OGFOD3: variants seen among roughly 807,000 people sequenced by gnomAD.
OGFOD3 encodes the protein 2-oxoglutarate and iron-dependent oxygenase domain-containing protein 3.
A neutral mutation model predicts 39.8 loss-of-function variants in OGFOD3; 35 were observed. That is an observed-to-expected ratio of 0.88 (90% CI 0.67 to 1.17). The LOEUF is 1.17. Among genes scored for constraint, OGFOD3 ranks in the 50% most tolerant of loss-of-function variants. The probability of loss-of-function intolerance (pLI) is 0.00; values close to 1 mark genes in which losing one functional copy is unlikely to be tolerated. For synonymous variants in OGFOD3, 200 were observed against 192.0 expected, an observed-to-expected ratio of 1.04 and a Z score of -0.34; for missense variants, 438 against 454.5, an observed-to-expected ratio of 0.96 and a Z score of 0.33.
At chr17:82,413,860 AGT>A (rs1476061286) in intron 2 of OGFOD3, among the ~76,000 whole-genome samples, 1 of 146,496 alleles carries the variant, frequency 6.8e-6, no homozygotes, top group Non-Finnish European at 1.5e-5. Flanking sequence ...TGGGCAACAC[AGT>A]GAGTGACACT....
At position 82,398,290 on chromosome 17, in the gene OGFOD3, C is replaced by T. The variant is rs137991522; in HGVS notation, c.729G>A (p.Ser243=). ...CCAGGTAGTTGGAGAGGTACAGCAG[C>T]GAGGTGTAGTCGAAGGAGCCGTAGG... ...KVTYGSFDYT[S]LLYLSNYLED... is the part of the protein sequence containing the mutation. Residue 243 remains serine, a synonymous_variant, in exon 8 of 9, where the codon TCG becomes TCA. Coordinates refer to ENST00000313056, the MANE Select transcript of OGFOD3 (RefSeq NM_024648.3). 6.1e-5 allele frequency: 99 copies of T among 1,614,134 alleles called. No homozygotes were observed. The highest frequency in any genetic ancestry group is 2.8e-4 in the African/African-American group (21 of 75,050).
chr17:82,411,667 G>T (rs2143280699), intron 2 of OGFOD3, 137 bp from the exon 3 acceptor site: 2 of 665,308 alleles, frequency 3.0e-6, no homozygotes, highest in East Asian at 2.8e-5. Context: ...GCTCTCCAGC[G>T]TGCATGCGCT....
Position 82,415,759 on chromosome 17 carries a change from C to T in OGFOD3, c.75-132G>A, listed in dbSNP as rs1194000769. The T allele has an allele frequency of 1.3e-6, 1 of 759,872 alleles. No homozygotes were observed. Among genetic ancestry groups the T allele is most frequent in the East Asian group, 2.7e-5 (1 of 36,818 alleles). The allele number at this position is 759,872 out of a possible 1,614,324, so 47.1% of individuals were successfully genotyped here. On this transcript the variant is annotated intron_variant, in intron 1 of 8. Coordinates refer to ENST00000313056, the MANE Select transcript of OGFOD3 (RefSeq NM_024648.3). This position sits in a 1 kb window ranked among gnomAD's most constrained non-coding sequence, Gnocchi z 5.3. ...TCACCCCTGAAACGAGGGCTTCCTG[C>T]CTGGGGCCAGCGCTGTCCACTCAGG...
At position 82,404,336 on chromosome 17, in the gene OGFOD3, G is replaced by A. The variant is rs1325511269; in HGVS notation, c.546-246C>T. Among the ~76,000 whole-genome samples, 3 of 152,230 alleles carry A rather than the reference G, an allele frequency of 2.0e-5. No homozygotes were observed. Among genetic ancestry groups the A allele is most frequent in the African/African-American group, 7.2e-5 (3 of 41,468 alleles). On this transcript the variant is annotated intron_variant, in intron 6 of 8. Coordinates refer to ENST00000313056, the MANE Select transcript of OGFOD3 (RefSeq NM_024648.3). This position sits in a 1 kb window ranked among gnomAD's most constrained non-coding sequence, Gnocchi z 4.5. ...AGCAGGACTGGGGAGGCAGAAGGGG[G>A]CCTGCAGGACCAACGCTGGGGAGGC...
chr17:82,395,811 A>AC (rs1599685349), intron 8 of OGFOD3, among the ~76,000 whole-genome samples: 1 of 152,182 alleles, frequency 6.6e-6, no homozygotes, highest in East Asian at 1.9e-4. Context: ...ACAGAGCGAG[A>AC]CTCCGTCTCA....
At chr17:82,397,634 GT>G (rs1257953138) in intron 8 of OGFOD3, among the ~76,000 whole-genome samples, 1 of 152,118 alleles carries the variant, frequency 6.6e-6, no homozygotes, top group Non-Finnish European at 1.5e-5. Context: ...GAGGATGACT[GT>G]CCGCTCGGCA....
intron 1 of OGFOD3, among the ~76,000 whole-genome samples, chr17:82,416,690 GAC>G (rs1354389032): frequency 6.7e-6 from 1 of 150,352 alleles, no homozygotes; most frequent in Non-Finnish European, 1.5e-5. Context: ...TTTTTTTTGA[GAC>G]AGAGTTTCAC....
At chr17:82,412,224 C>T (rs1184121321) in intron 2 of OGFOD3, among the ~76,000 whole-genome samples, 1 of 152,156 alleles carries the variant, frequency 6.6e-6, no homozygotes, top group Admixed American at 6.5e-5. Flanking sequence ...ACCTTGGTGA[C>T]CTGCGGAGGC....
chr17:82,413,520 C>T (rs888716538), intron 2 of OGFOD3, among the ~76,000 whole-genome samples: 1 of 152,152 alleles, frequency 6.6e-6, no homozygotes, highest in Non-Finnish European at 1.5e-5. Flanking sequence ...AAAAATCCCA[C>T]GCATTTCCAA....
At position 82,390,267 on chromosome 17, in the gene OGFOD3, T is replaced by G. The variant is rs1207566730; in HGVS notation, c.*2131A>C. ...CCAAGGTGACAGGATCAGGTTTCCA[T>G]GCAGCATTTTCCACCTGCCCCGACC... On this transcript the variant is annotated 3_prime_UTR_variant, in exon 9 of 9. Coordinates refer to ENST00000313056, the MANE Select transcript of OGFOD3 (RefSeq NM_024648.3). The surrounding 1 kb of genome is among the most constrained non-coding windows in gnomAD (Gnocchi z 4.9). 6.6e-6 allele frequency: 1 copy of G among 152,248 alleles called. No homozygotes were observed. Among genetic ancestry groups the G allele is most frequent in the African/African-American group, 2.4e-5 (1 of 41,454 alleles). 9.4% of individuals were successfully genotyped at this position (152,248 alleles called of 1,614,324 possible). A position where few individuals can be genotyped will look rare whatever the true frequency, so the allele number is the denominator to read the frequency against.
At position 82,408,596 on chromosome 17, in the gene OGFOD3, GC is replaced by G. The variant is rs199877345; in HGVS notation, c.423+771del. The stretch of plus-strand genomic sequence containing the variant: ...AGTCTAAAATCGAGGTGTGGGAGGG[GC>G]CCTGCTCCCTCCCAGGGCTCCAGGG... On this transcript the variant is annotated intron_variant, in intron 4 of 8. Coordinates refer to ENST00000313056, the MANE Select transcript of OGFOD3 (RefSeq NM_024648.3). Among the ~76,000 whole-genome samples, 14 of 151,346 alleles carry G rather than the reference GC, an allele frequency of 9.3e-5. No individual in the cohort carries two copies. In the East Asian group the frequency reaches 9.8e-4, roughly 11 times the overall value.
chr17:82,399,667 T>C (rs1477055087), intron 7 of OGFOD3, among the ~76,000 whole-genome samples: 1 of 152,156 alleles, frequency 6.6e-6, no homozygotes, highest in Non-Finnish European at 1.5e-5. Context: ...TTTCTGTCTC[T>C]GTGAACCTGG....
At chr17:82,413,681 G>A (rs1053691648) in intron 2 of OGFOD3, among the ~76,000 whole-genome samples, 5 of 152,124 alleles carry the variant, frequency 3.3e-5, no homozygotes, top group African/African-American at 1.2e-4. Context: ...ATCAGCCTGG[G>A]CAACATAGGC....
At chr17:82,416,905 C>T (rs112296350) in intron 1 of OGFOD3, among the ~76,000 whole-genome samples, 2,518 of 152,170 alleles carry the variant, frequency 0.017, 71 homozygotes, top group African/African-American at 0.058. Flanking sequence ...GAACTCCTGA[C>T]CTCAAGTAAT....
chr17:82,393,295 A>G (rs2052621726), intron 8 of OGFOD3: 1 of 152,262 alleles, frequency 6.6e-6, no homozygotes, highest in Non-Finnish European at 1.5e-5. Context: ...ACGTCCTGTG[A>G]CAATTTCATT....
At chr17:82,412,022 A>G (rs372429429) in intron 2 of OGFOD3, among the ~76,000 whole-genome samples, 2 of 68,782 alleles carry the variant, frequency 2.9e-5, no homozygotes, top group South Asian at 6.1e-4. Flanking sequence ...TCCTGAGACC[A>G]CCAGAGAGGA....
intron 4 of OGFOD3, among the ~76,000 whole-genome samples, chr17:82,408,727 C>T (rs2052895551): frequency 6.6e-6 from 1 of 152,206 alleles, no homozygotes. Context: ...CCTCTGTCTC[C>T]TATAGGCACT....
Position 82,404,654 on chromosome 17 carries a change from A to G in OGFOD3, c.546-564T>C, listed in dbSNP as rs189242177. On this transcript the variant is annotated intron_variant, in intron 6 of 8. Coordinates refer to ENST00000313056, the MANE Select transcript of OGFOD3 (RefSeq NM_024648.3). The surrounding 1 kb of genome is among the most constrained non-coding windows in gnomAD (Gnocchi z 4.5). ...GTGGGGGGCTCGAGGGGGGTCACTC[A>G]TGTGTCCTGGGATGGTTGCGTGACT... Among the ~76,000 whole-genome samples the G allele has an allele frequency of 3.2e-3, 476 of 151,034 alleles. 10 individuals are homozygous for G. Among genetic ancestry groups the G allele is most frequent in the Non-Finnish European group, 4.0e-3 (274 of 67,850 alleles).
rs1450664980 is a variant in OGFOD3, at chr17:82,394,519, G to T, written c.824-1985C>A. 2.5e-6 allele frequency: 4 copies of T among 1,612,368 alleles called. No individual in the cohort carries two copies. The highest frequency in any genetic ancestry group is 3.4e-6 in the Non-Finnish European group (4 of 1,179,314). ...TCCATTAACTTCTTGGAACCCACAA[G>T]ACATCATCCGGAAACAAAAACATCC... On this transcript the variant is annotated intron_variant, in intron 8 of 8. Coordinates refer to ENST00000313056, the MANE Select transcript of OGFOD3 (RefSeq NM_024648.3).
Sources: allele counts gnomAD v4.1 joint callset (sites outside exome capture counted in the v4.1 genomes callset), GRCh38; gene constraint gnomAD v4.1.1; non-coding constraint Gnocchi (gnomAD v3.1); transcripts MANE v1.5; gene names NCBI Gene and HGNC (gene_info 2026-07-23, HGNC 2026-07-21).